The following DLGAP2 variants were observed in gnomAD, a reference collection of about 807,000 sequenced individuals.
The protein encoded by DLGAP2 is disks large-associated protein 2.
Under a neutral mutation model 100.3 loss-of-function variants are expected in DLGAP2, and 26 were observed. The observed-to-expected ratio is 0.26, with a 90% CI of 0.19 to 0.36. The LOEUF (loss-of-function observed/expected upper bound fraction) is 0.36. Among genes scored for constraint, DLGAP2 ranks in the 10% least tolerant of loss-of-function variants. DLGAP2 has a pLI of 1.00. For synonymous variants in DLGAP2, 886 were observed against 630.1 expected, an observed-to-expected ratio of 1.41 and a Z score of -6.08; for missense variants, 1,858 against 1,453.2, an observed-to-expected ratio of 1.28 and a Z score of -4.53.
chr8:831,100 G>T (rs1796773815), intron 1 of DLGAP2, among the ~76,000 whole-genome samples: 1 of 151,710 alleles, frequency 6.6e-6, no homozygotes, highest in Non-Finnish European at 1.5e-5. Flanking sequence ...GTTTCACCAT[G>T]TTGGCCAGGC....
intron 4 of DLGAP2, among the ~76,000 whole-genome samples, chr8:1,519,202 G>C (rs538431248): frequency 6.6e-6 from 1 of 152,162 alleles, no homozygotes; most frequent in Non-Finnish European, 1.5e-5. Context: ...AATGAGCAAC[G>C]CTGTCCTGGA....
rs1265850792 is a variant in DLGAP2 at position 1,668,512 on chromosome 8, A to G, written c.1994A>G (p.Asp665Gly). ...QDSRGLYNSTDSLDSNKAMNL... is the reference protein window; with the variant it reads ...QDSRGLYNSTGSLDSNKAMNL... The stretch of plus-strand genomic sequence containing the variant: ...AGCCGCGGCCTCTACAACTCCACGG[A>G]CAGCCTGGACAGCAACAAGGCCATG... Residue 665 changes from aspartate to glycine, a missense_variant, in exon 9 of 15, where the codon GAC becomes GGC. By Grantham distance (94) the Asp-to-Gly change is moderately conservative (BLOSUM62 -1). Transcript: ENST00000637795. 2.5e-6 allele frequency: 4 copies of G among 1,592,924 alleles called. No individual in the cohort carries two copies. Among genetic ancestry groups the G allele is most frequent in the Non-Finnish European group, 3.4e-6 (4 of 1,170,776 alleles).
intron 3 of DLGAP2, chr8:1,373,688 TCCA>T (rs1013387356): frequency 9.8e-5 from 15 of 152,294 alleles, no homozygotes; most frequent in Admixed American, 3.9e-4. Flanking sequence ...CCATGGGGCG[TCCA>T]CCAACTAGGA....
At chr8:1,371,556 C>T (rs184752845) in intron 3 of DLGAP2, among the ~76,000 whole-genome samples, 4 of 152,196 alleles carry the variant, frequency 2.6e-5, no homozygotes, top group Non-Finnish European at 5.9e-5. Flanking sequence ...CTGCAGAACT[C>T]TATTATCCTC....
intron 3 of DLGAP2, among the ~76,000 whole-genome samples, chr8:1,349,804 T>A (rs1426110431): frequency 6.6e-6 from 1 of 152,258 alleles, no homozygotes; most frequent in Non-Finnish European, 1.5e-5. Context: ...AAGTGCAAAC[T>A]CATCAGACAC....
chr8:1,542,183 C>T (rs930830395), intron 4 of DLGAP2, among the ~76,000 whole-genome samples: 1 of 152,188 alleles, frequency 6.6e-6, no homozygotes, highest in Admixed American at 6.5e-5. Context: ...TGTCTATATT[C>T]AATTTTGAGT....
chr8:1,118,191 A>T (rs893391388), intron 2 of DLGAP2, among the ~76,000 whole-genome samples: 1 of 152,134 alleles, frequency 6.6e-6, no homozygotes, highest in African/African-American at 2.4e-5. Flanking sequence ...CATTCATTAC[A>T]CTTTAAATAG....
intron 8 of DLGAP2, among the ~76,000 whole-genome samples, chr8:1,636,466 A>G (rs1389511096): frequency 6.6e-6 from 1 of 152,246 alleles, no homozygotes; most frequent in Non-Finnish European, 1.5e-5. Flanking sequence ...TTATCTCTAT[A>G]TTTCAGTACC....
chr8:1,168,451 G>T (rs371706969), intron 2 of DLGAP2, among the ~76,000 whole-genome samples: 4 of 149,916 alleles, frequency 2.7e-5, no homozygotes, highest in African/African-American at 9.8e-5. Context: ...CTGAGGAATC[G>T]CCACACTGAC....
intron 2 of DLGAP2, among the ~76,000 whole-genome samples, chr8:1,069,351 G>A (rs924098314): frequency 1.3e-5 from 2 of 152,150 alleles, no homozygotes; most frequent in Non-Finnish European, 2.9e-5. Context: ...TGGACAGGTC[G>A]CGAGGACACC....
intron 3 of DLGAP2, among the ~76,000 whole-genome samples, chr8:1,368,073 C>T (rs1193395124): frequency 1.3e-5 from 2 of 152,168 alleles, no homozygotes; most frequent in African/African-American, 2.4e-5. Flanking sequence ...CCTATCACGG[C>T]GGCCTCCTGT....
chr8:936,832 A>G (rs1364775882), intron 2 of DLGAP2, among the ~76,000 whole-genome samples: 1 of 152,196 alleles, frequency 6.6e-6, no homozygotes, highest in Non-Finnish European at 1.5e-5. Flanking sequence ...TGACTTTTGA[A>G]TAAAAGTGCT....
At chr8:955,149 G>C (rs968041184) in intron 2 of DLGAP2, among the ~76,000 whole-genome samples, 9 of 151,982 alleles carry the variant, frequency 5.9e-5, no homozygotes, top group Non-Finnish European at 1.2e-4. Flanking sequence ...CACCTGGCAG[G>C]TCTTCATGCT....
At chr8:1,249,267 G>A (rs915514182) in intron 2 of DLGAP2, among the ~76,000 whole-genome samples, 1 of 152,088 alleles carries the variant, frequency 6.6e-6, no homozygotes, top group Non-Finnish European at 1.5e-5. Flanking sequence ...CTCAGAAATG[G>A]GCCACTGGGC....
chr8:1,500,806 C>G (rs971776920), intron 3 of DLGAP2, among the ~76,000 whole-genome samples: 1 of 152,248 alleles, frequency 6.6e-6, no homozygotes, highest in African/African-American at 2.4e-5. Flanking sequence ...CCTGGGTGAT[C>G]TCCCAACAGA....
At chr8:1,018,195 T>C (rs1174649476) in intron 2 of DLGAP2, among the ~76,000 whole-genome samples, 1 of 152,034 alleles carries the variant, frequency 6.6e-6, no homozygotes, top group South Asian at 2.1e-4. Flanking sequence ...TCCCTGCCCC[T>C]ATAGGCCCTC....
chr8:859,391 T>C (rs1456388591), intron 1 of DLGAP2, among the ~76,000 whole-genome samples: 2 of 152,120 alleles, frequency 1.3e-5, no homozygotes, highest in African/African-American at 4.8e-5. Flanking sequence ...GGATTACAGG[T>C]GTGAGCCAGC....
intron 2 of DLGAP2, among the ~76,000 whole-genome samples, chr8:1,020,165 G>A (rs1301510490): frequency 1.3e-5 from 2 of 152,220 alleles, no homozygotes; most frequent in South Asian, 2.1e-4. Context: ...TTTATTGATT[G>A]CCTTACAAGT....
At chr8:785,252 A>AAAAAAAAAT (rs1821811417) in intron 1 of DLGAP2, among the ~76,000 whole-genome samples, 1 of 139,088 alleles carries the variant, frequency 7.2e-6, no homozygotes. Context: ...AAAAAAAAAA[A>AAAAAAAAAT]GGCACGTCCT....
Sources: allele counts gnomAD v4.1 joint callset (sites outside exome capture counted in the v4.1 genomes callset), GRCh38; gene constraint gnomAD v4.1.1; transcripts MANE v1.5; gene names NCBI Gene and HGNC (gene_info 2026-07-23, HGNC 2026-07-21).